ZFP42: variants seen among roughly 807,000 people sequenced by gnomAD.
ZFP42 encodes ZFP42 zinc finger protein.
For synonymous variants in ZFP42, 175 were observed against 144.6 expected, an observed-to-expected ratio of 1.21 and a Z score of -1.51; for missense variants, 438 against 377.1, an observed-to-expected ratio of 1.16 and a Z score of -1.34.
In ZFP42 at chr4:188,003,312, G is replaced by T. The variant is rs767809346; in HGVS notation, c.505G>T (p.Ala169Ser). 6.2e-6 allele frequency: 10 copies of T among 1,614,034 alleles called. No homozygotes were observed. Among genetic ancestry groups the T allele is most frequent in the Non-Finnish European group, 8.5e-6 (10 of 1,180,024 alleles). Residue 169 changes from alanine (A) to serine (S), a missense_variant, in exon 4 of 4, where the codon GCA becomes TCA. Physicochemically the swap from Ala to Ser is moderately conservative, Grantham distance 99. Coordinates refer to ENST00000326866, the MANE Select transcript of ZFP42 (RefSeq NM_174900.5). ...TGACCTATCAGATCCTAAACAGCTC[G>T]CAGAATTTGCTAGAAAGAAGCCCCC... ...GIDLSDPKQL[A>S]EFARKKPPIN...
chr4:188,003,087 T>G lies in ZFP42; in HGVS notation c.280T>G (p.Ser94Ala), dbSNP rs1156812584. 6.2e-7 allele frequency: 1 copy of G among 1,613,914 alleles called. No individual in the cohort carries two copies. Among genetic ancestry groups the G allele is most frequent in the Non-Finnish European group, 8.5e-7 (1 of 1,180,022 alleles). Residue 94 changes from serine to alanine, a missense_variant, in exon 4 of 4, where the codon TCC (serine) becomes GCC (alanine). By Grantham distance (99) the Ser-to-Ala change is moderately conservative. Coordinates refer to ENST00000326866, the MANE Select transcript of ZFP42 (RefSeq NM_174900.5). The part of the protein sequence containing the change: ...PILEEDSLFE[S>A]LEYLKKGSEQ... ...CCTGGAAGAGGACTCACTTTTTGAG[T>G]CCTTGGAATACCTAAAGAAAGGATC... is the stretch of plus-strand genomic sequence containing the variant.
chr4:188,001,717 T>C (rs989300283), intron 3 of ZFP42, among the ~76,000 whole-genome samples: 2 of 152,168 alleles, frequency 1.3e-5, no homozygotes, highest in African/African-American at 2.4e-5. Flanking sequence ...CACCCCAGTC[T>C]AGAAAGAACC....
chr4:187,998,229 A>T (rs2111175697), intron 1 of ZFP42, among the ~76,000 whole-genome samples: 1 of 152,172 alleles, frequency 6.6e-6, no homozygotes, highest in East Asian at 1.9e-4. Context: ...CCAGCTACTC[A>T]GGAGGCTGAC....
In ZFP42 at chr4:188,003,196, A is replaced by T; in HGVS notation, c.389A>T (p.Glu130Val). 6 of 1,613,864 alleles carry T rather than the reference A, an allele frequency of 3.7e-6. No individual in the cohort carries two copies. Among genetic ancestry groups the T allele is most frequent in the Non-Finnish European group, 5.1e-6 (6 of 1,179,978 alleles). The change falls in exon 4 of 4, where the codon GAG (glutamate) becomes GTG (valine). Residue 130 changes from glutamate (E) to valine (V), a missense_variant. Physicochemically the swap from Glu to Val is moderately radical, Grantham distance 121. Coordinates refer to ENST00000326866, the MANE Select transcript of ZFP42 (RefSeq NM_174900.5). Reference protein sequence around the residue: ...LEYMKKGVKKELPQKIVGENS... With the variant: ...LEYMKKGVKKVLPQKIVGENS... ...TACATGAAAAAAGGGGTAAAGAAAG[A>T]GCTTCCACAAAAGATAGTTGGAGAG...
At chr4:187,996,987 G>GGGAGCATGGAGCAT (rs1182237798) in intron 1 of ZFP42, among the ~76,000 whole-genome samples, 7 of 58,912 alleles carry the variant, frequency 1.2e-4, no homozygotes, top group African/African-American at 3.0e-4. Flanking sequence ...CATAGCTGTA[G>GGGAGCATGGAGCAT]GGAGCATGGA....
intron 1 of ZFP42, among the ~76,000 whole-genome samples, chr4:187,998,221 A>G (rs1306461665): frequency 6.6e-6 from 1 of 152,096 alleles, no homozygotes; most frequent in Non-Finnish European, 1.5e-5. Flanking sequence ...CTGTAATCCC[A>G]GCTACTCAGG....
chr4:187,997,187 A>C (rs1242690129), intron 1 of ZFP42, among the ~76,000 whole-genome samples: 2 of 139,956 alleles, frequency 1.4e-5, no homozygotes, highest in Non-Finnish European at 3.0e-5. Context: ...CCAGACATTC[A>C]TGATGAAGGT....
chr4:187,998,467 C>T (rs1332020045), intron 1 of ZFP42, among the ~76,000 whole-genome samples: 4 of 152,172 alleles, frequency 2.6e-5, no homozygotes, highest in Non-Finnish European at 5.9e-5. Flanking sequence ...ATAAAGCCTA[C>T]AGTTGTGTAC....
intron 1 of ZFP42, among the ~76,000 whole-genome samples, chr4:187,998,376 C>T (rs1410942489): frequency 6.6e-6 from 1 of 152,024 alleles, no homozygotes; most frequent in Admixed American, 6.6e-5. Flanking sequence ...TAAAAAGTTA[C>T]AGTAAGCTAA....
At chr4:188,001,066 A>T (rs1235528135) in intron 3 of ZFP42, among the ~76,000 whole-genome samples, 1 of 152,244 alleles carries the variant, frequency 6.6e-6, no homozygotes, top group Non-Finnish European at 1.5e-5. Context: ...ATATTTTTAA[A>T]TACATTTTAA....
intron 1 of ZFP42, among the ~76,000 whole-genome samples, chr4:187,996,690 C>G (rs977560532): frequency 6.6e-6 from 1 of 152,114 alleles, no homozygotes; most frequent in African/African-American, 2.4e-5. Flanking sequence ...GTGGTTCTTT[C>G]TCCTGTTTTC....
In ZFP42 at chr4:188,003,211, T is replaced by C. The variant is rs773448985; in HGVS notation, c.404T>C (p.Ile135Thr). Reference sequence around the variant, plus strand: ...GTAAAGAAAGAGCTTCCACAAAAGATAGTTGGAGAGAATTCGCTTGAGTAT... The same window carrying C: ...GTAAAGAAAGAGCTTCCACAAAAGACAGTTGGAGAGAATTCGCTTGAGTAT... ...KGVKKELPQKIVGENSLEYSE... is the reference protein window; with the variant it reads ...KGVKKELPQKTVGENSLEYSE... Residue 135 changes from isoleucine to threonine, a missense_variant, in exon 4 of 4, where the codon ATA (isoleucine) becomes ACA (threonine). Ile to Thr is a moderately conservative substitution (Grantham distance 89, BLOSUM62 -1). Transcript: ENST00000326866. 5 of 1,613,650 alleles carry C rather than the reference T, an allele frequency of 3.1e-6. No homozygotes were observed. The African/African-American group carries it at 5.3e-5, about 17-fold the overall frequency.
rs2111192773 is a variant in ZFP42 at position 188,004,928 on chromosome 4, T to C, written c.*1188T>C. On this transcript the variant is annotated 3_prime_UTR_variant, in exon 4 of 4. Transcript: ENST00000326866. ...ACTGTATTTCATTGTGATTTTTGTT[T>C]TCTTTTTATCATTGTATCAAACTAT... The C allele has an allele frequency of 6.0e-6, 1 of 167,144 alleles. No homozygotes were observed. The highest frequency in any genetic ancestry group is 2.1e-4 in the South Asian group (1 of 4,832). The allele number at this position is 167,144 out of a possible 1,614,324, so 10.4% of individuals were successfully genotyped here.
chr4:188,003,193 A>G lies in ZFP42; in HGVS notation c.386A>G (p.Lys129Arg), dbSNP rs768737084. 1.6e-5 allele frequency: 26 copies of G among 1,613,728 alleles called. No homozygotes were observed. The highest frequency in any genetic ancestry group is 2.2e-5 in the Non-Finnish European group (26 of 1,179,984). The change falls in exon 4 of 4, where the codon AAA becomes AGA. Residue 129 changes from lysine (K) to arginine (R), a missense_variant. By Grantham distance (26) the Lys-to-Arg change is conservative (BLOSUM62 2). Transcript: ENST00000326866. The part of the protein sequence containing the change: ...SLEYMKKGVK[K>R]ELPQKIVGEN... ...GAATACATGAAAAAAGGGGTAAAGAAAGAGCTTCCACAAAAGATAGTTGGA... is the reference window on the plus strand; with the variant it reads ...GAATACATGAAAAAAGGGGTAAAGAGAGAGCTTCCACAAAAGATAGTTGGA...
chr4:188,000,325 C>T (rs930292381), intron 3 of ZFP42, among the ~76,000 whole-genome samples: 1 of 152,260 alleles, frequency 6.6e-6, no homozygotes, highest in East Asian at 1.9e-4. Context: ...TCCAAAGGTG[C>T]TAATATTGTG....
Position 188,003,568 on chromosome 4 carries a change from A to T in ZFP42, c.761A>T (p.Lys254Met). 6.2e-7 allele frequency: 1 copy of T among 1,613,640 alleles called. No individual in the cohort carries two copies. The highest frequency in any genetic ancestry group is 8.5e-7 in the Non-Finnish European group (1 of 1,180,044). ...CGGTGCACTTTTGAAGGGTGCGGAA[A>T]GCGCTTCTCTCTGGACTTTAATTTG... ...PFRCTFEGCG[K>M]RFSLDFNLRT... Residue 254 changes from lysine (K) to methionine (M), a missense_variant, in exon 4 of 4, where the codon AAG (lysine) becomes ATG (methionine). Coordinates refer to ENST00000326866, the MANE Select transcript of ZFP42 (RefSeq NM_174900.5).
intron 1 of ZFP42, among the ~76,000 whole-genome samples, chr4:187,996,690 C>T (rs977560532): frequency 6.6e-6 from 1 of 152,114 alleles, no homozygotes; most frequent in African/African-American, 2.4e-5. Flanking sequence ...GTGGTTCTTT[C>T]TCCTGTTTTC....
rs1332152142 is a variant in ZFP42, at chr4:188,004,361, C to T, written c.*621C>T. On this transcript the variant is annotated 3_prime_UTR_variant, in exon 4 of 4. Transcript: ENST00000326866. ...GTTGGTAGGCGTCTCGCTCTGTCAC[C>T]CAGGCTGGAGTCTAGTGTCGTGATC... is the stretch of plus-strand genomic sequence containing the variant. The T allele has an allele frequency of 6.6e-6, 1 of 152,150 alleles. No individual in the cohort carries two copies. Among genetic ancestry groups the T allele is most frequent in the Non-Finnish European group, 1.5e-5 (1 of 68,032 alleles). 9.4% of individuals were successfully genotyped at this position (152,150 alleles called of 1,614,324 possible).
intron 1 of ZFP42, among the ~76,000 whole-genome samples, chr4:187,998,863 T>C (rs1293789721): frequency 6.6e-6 from 1 of 152,340 alleles, no homozygotes. Flanking sequence ...TGACTAGTTA[T>C]TTCTGCTAAC....
Sources: allele counts gnomAD v4.1 joint callset (sites outside exome capture counted in the v4.1 genomes callset), GRCh38; gene constraint gnomAD v4.1.1; transcripts MANE v1.5; gene names NCBI Gene and HGNC (gene_info 2026-07-23, HGNC 2026-07-21).